The following FNDC3B variants were observed in gnomAD, a reference collection of about 807,000 sequenced individuals.
FNDC3B encodes fibronectin type III domain containing 3B, also known as fibronectin type III domain-containing protein 3B.
In FNDC3B, 12 loss-of-function variants were observed where a neutral mutation model predicts 151.5. That is an observed-to-expected ratio of 0.08 (90% confidence interval 0.05 to 0.13). The LOEUF (loss-of-function observed/expected upper bound fraction) is 0.13, where lower values mean the gene tolerates loss of function less well. FNDC3B is among the 10% of genes least tolerant of loss of function. The pLI, the probability that FNDC3B is intolerant of heterozygous loss-of-function variation, is 1.00. For missense variants in FNDC3B, 1,214 were observed against 1,505.3 expected, an observed-to-expected ratio of 0.81 and a Z score of 3.20; for synonymous variants, 528 against 549.0, an observed-to-expected ratio of 0.96 and a Z score of 0.54.
chr3:172,212,358 G>GT (rs1725772964), intron 3 of FNDC3B, among the ~76,000 whole-genome samples: 1 of 152,116 alleles, frequency 6.6e-6, no homozygotes, highest in Admixed American at 6.5e-5. Flanking sequence ...GAATGAGCCT[G>GT]TTTTTTTCTA....
At chr3:172,074,500 C>T (rs1238469699) in intron 1 of FNDC3B, among the ~76,000 whole-genome samples, 3 of 152,160 alleles carry the variant, frequency 2.0e-5, no homozygotes, top group South Asian at 2.1e-4. Flanking sequence ...CCTGTTACTT[C>T]GTGCTTTTGC....
At chr3:172,294,963 A>C (rs1730522799) in intron 7 of FNDC3B, among the ~76,000 whole-genome samples, 1 of 152,206 alleles carries the variant, frequency 6.6e-6, no homozygotes, top group Non-Finnish European at 1.5e-5. Flanking sequence ...GTATTGTTGG[A>C]AAGGTATTAG....
chr3:172,218,439 GAGAA>G, intron 3 of FNDC3B, among the ~76,000 whole-genome samples: 1 of 152,224 alleles, frequency 6.6e-6, no homozygotes, highest in Middle Eastern at 3.4e-3. Context: ...GATACTTTAG[GAGAA>G]AGAATGTGAA....
At chr3:172,122,078 G>GA (rs1720579964) in intron 2 of FNDC3B, among the ~76,000 whole-genome samples, 1 of 152,206 alleles carries the variant, frequency 6.6e-6, no homozygotes, top group Admixed American at 6.5e-5. Flanking sequence ...GTGTTAAGAC[G>GA]AGACACTTCT....
chr3:172,346,560 T>TTTTG, intron 20 of FNDC3B, 120 bp downstream of exon 20: 1 of 605,236 alleles, frequency 1.7e-6, no homozygotes, highest in Non-Finnish European at 2.9e-6. Flanking sequence ...TTTTTTTTTT[T>TTTTG]TGCTCTGTGT....
chr3:172,362,797 C>T lies in FNDC3B; in HGVS notation c.2960C>T (p.Ala987Val), dbSNP rs1414301444. ...KWGDSNSKTH[A>V]AEDIVYTLQL... The stretch of plus-strand genomic sequence containing the variant: ...GGAGACAGTAACTCCAAGACACATG[C>T]TGCTGAGGACATTGTGTACACACTA... The change falls in exon 23 of 26, where the codon GCT becomes GTT. Residue 987 changes from alanine to valine, a missense_variant. Physicochemically the swap from Ala to Val is moderately conservative, Grantham distance 64. This residue lies in a region of FNDC3B where 284 missense variants were observed against 392.4 expected (regional missense o/e 0.72). Coordinates refer to ENST00000415807, the MANE Select transcript of FNDC3B (RefSeq NM_022763.4). The T allele has an allele frequency of 4.3e-6, 7 of 1,613,890 alleles. No individual in the cohort carries two copies. Among genetic ancestry groups the T allele is most frequent in the African/African-American group, 1.3e-5 (1 of 74,910 alleles).
chr3:172,295,234 A>G, intron 7 of FNDC3B, 129 bp from the exon 8 acceptor site: 2 of 831,892 alleles, frequency 2.4e-6, no homozygotes, highest in South Asian at 3.7e-5. Flanking sequence ...AGCACCATAT[A>G]AGATGTCTTT....
At chr3:172,121,027 G>A (rs976178034) in intron 2 of FNDC3B, among the ~76,000 whole-genome samples, 1 of 151,868 alleles carries the variant, frequency 6.6e-6, no homozygotes, top group Non-Finnish European at 1.5e-5. Context: ...CTTCCTACTT[G>A]GCAACAATTG....
chr3:172,388,349 A>G (rs1735833491), intron 25 of FNDC3B, among the ~76,000 whole-genome samples: 1 of 152,218 alleles, frequency 6.6e-6, no homozygotes, highest in Admixed American at 6.5e-5. Flanking sequence ...CATTTGGAAT[A>G]AACATGTCAA....
intron 3 of FNDC3B, among the ~76,000 whole-genome samples, chr3:172,214,635 GTGTTTA>G (rs1266716831): frequency 2.0e-5 from 3 of 151,758 alleles, no homozygotes; most frequent in Admixed American, 1.3e-4. Flanking sequence ...CTATGACTCT[GTGTTTA>G]TGGAATATTT....
intron 3 of FNDC3B, among the ~76,000 whole-genome samples, chr3:172,163,099 A>G (rs760462379): frequency 2.0e-5 from 3 of 151,954 alleles, no homozygotes; most frequent in Non-Finnish European, 4.4e-5. Context: ...GACTCTGTCT[A>G]TACAAAAATT....
chr3:172,339,072 T>A (rs1453347004), intron 16 of FNDC3B, among the ~76,000 whole-genome samples: 5 of 152,030 alleles, frequency 3.3e-5, no homozygotes, highest in African/African-American at 1.2e-4. Flanking sequence ...CACATGCTAA[T>A]GCCAAAAACA....
chr3:172,098,147 G>T (rs1009505969), intron 1 of FNDC3B, among the ~76,000 whole-genome samples: 2 of 152,132 alleles, frequency 1.3e-5, no homozygotes, highest in Non-Finnish European at 2.9e-5. Context: ...TACAGGTTGG[G>T]AAGTTGGGGT....
intron 11 of FNDC3B, among the ~76,000 whole-genome samples, chr3:172,328,117 C>A (rs551923351): frequency 1.8e-4 from 28 of 152,118 alleles, no homozygotes; most frequent in Non-Finnish European, 2.8e-4. Flanking sequence ...AATACGAGAC[C>A]CCACTAGAGT....
At chr3:172,326,105 C>T (rs1410464931) in intron 11 of FNDC3B, among the ~76,000 whole-genome samples, 3 of 152,210 alleles carry the variant, frequency 2.0e-5, no homozygotes, top group Non-Finnish European at 2.9e-5. Flanking sequence ...GGATTACAGG[C>T]GTGAGCCATC....
At chr3:172,254,644 A>C (rs915088832) in intron 6 of FNDC3B, among the ~76,000 whole-genome samples, 9 of 152,152 alleles carry the variant, frequency 5.9e-5, no homozygotes, top group Non-Finnish European at 1.3e-4. Flanking sequence ...TTTTCCTGGA[A>C]CAAAGTGTTG....
intron 3 of FNDC3B, among the ~76,000 whole-genome samples, chr3:172,169,698 T>C (rs1723193154): frequency 6.6e-6 from 1 of 152,226 alleles, no homozygotes; most frequent in Non-Finnish European, 1.5e-5. Context: ...GGGAAGCATG[T>C]TACCTACGAG....
chr3:172,327,343 G>A (rs1165780747), intron 11 of FNDC3B, among the ~76,000 whole-genome samples: 1 of 152,150 alleles, frequency 6.6e-6, no homozygotes, highest in Non-Finnish European at 1.5e-5. Flanking sequence ...CCTGGCTCTA[G>A]GAGGTGGGTG....
At chr3:172,220,019 A>G (rs561286339) in intron 3 of FNDC3B, among the ~76,000 whole-genome samples, 20 of 152,052 alleles carry the variant, frequency 1.3e-4, no homozygotes, top group Middle Eastern at 3.2e-3. Flanking sequence ...CCAACCTAAT[A>G]CAAGTAAAAG....
Sources: allele counts gnomAD v4.1 joint callset (sites outside exome capture counted in the v4.1 genomes callset), GRCh38; gene constraint gnomAD v4.1.1; regional missense constraint gnomAD v4.1.1; transcripts MANE v1.5; gene names NCBI Gene and HGNC (gene_info 2026-07-23, HGNC 2026-07-21).